The following SORCS1 variants were observed in gnomAD, a reference collection of about 807,000 sequenced individuals.
The protein encoded by SORCS1 is sortilin related VPS10 domain containing receptor 1.
SORCS1 carries 60 observed loss-of-function variants against 146.1 expected under a neutral mutation model. The observed-to-expected ratio is 0.41, with a 90% confidence interval of 0.33 to 0.51. The LOEUF (loss-of-function observed/expected upper bound fraction) is 0.51. SORCS1 is among the 20% of genes least tolerant of loss of function. The probability of loss-of-function intolerance (pLI) is 0.21; values close to 1 mark genes in which losing one functional copy is unlikely to be tolerated. For synonymous variants in SORCS1, 637 were observed against 584.0 expected (o/e 1.09, Z -1.31); for missense variants, 1,352 against 1,487.6 (o/e 0.91, Z 1.50).
chr10:107,104,848 G>T (rs1027477765), intron 1 of SORCS1, among the ~76,000 whole-genome samples: 2 of 152,168 alleles, frequency 1.3e-5, no homozygotes, highest in Admixed American at 1.3e-4. Flanking sequence ...GCAGTTTGTT[G>T]CCAGAGGTAA....
chr10:106,958,282 A>C (rs1955060223), intron 1 of SORCS1, among the ~76,000 whole-genome samples: 1 of 152,210 alleles, frequency 6.6e-6, no homozygotes, highest in Non-Finnish European at 1.5e-5. Context: ...CATTTGGCCC[A>C]GCCCAGCTGT....
intron 1 of SORCS1, among the ~76,000 whole-genome samples, chr10:107,012,286 G>A (rs1353391107): frequency 6.6e-6 from 1 of 152,152 alleles, no homozygotes; most frequent in Non-Finnish European, 1.5e-5. Flanking sequence ...TTTGAGATAT[G>A]TCAGCAGAGG....
At chr10:106,583,729 C>T (rs1845056978) in intron 24 of SORCS1, among the ~76,000 whole-genome samples, 3 of 151,798 alleles carry the variant, frequency 2.0e-5, no homozygotes, top group Admixed American at 1.3e-4. Flanking sequence ...AGGCTGGTCT[C>T]GAACGCTAAC....
At chr10:107,125,945 C>T (rs1966689885) in intron 1 of SORCS1, among the ~76,000 whole-genome samples, 1 of 152,164 alleles carries the variant, frequency 6.6e-6, no homozygotes, top group Non-Finnish European at 1.5e-5. Flanking sequence ...AATGTCCTTC[C>T]TTCCTTTTGT....
intron 10 of SORCS1, 90 bp downstream of exon 10, chr10:106,688,102 A>C: frequency 1.3e-6 from 2 of 1,515,080 alleles, no homozygotes; most frequent in Non-Finnish European, 1.8e-6. Context: ...TCAACTGAGC[A>C]AAAGTCCCAG....
chr10:106,629,460 C>G, intron 18 of SORCS1, 72 bp from the exon 19 acceptor site: 3 of 1,497,264 alleles, frequency 2.0e-6, no homozygotes, highest in Non-Finnish European at 1.8e-6. Context: ...CTGGGGACTA[C>G]GGCTTGTCCT....
chr10:106,910,563 G>A (rs1172188691), intron 2 of SORCS1, among the ~76,000 whole-genome samples: 1 of 152,110 alleles, frequency 6.6e-6, no homozygotes, highest in Non-Finnish European at 1.5e-5. Flanking sequence ...CATTACCAAT[G>A]ATATAAGTTA....
chr10:106,683,390 G>A (rs753393971), intron 10 of SORCS1, among the ~76,000 whole-genome samples: 2 of 152,084 alleles, frequency 1.3e-5, no homozygotes, highest in African/African-American at 4.8e-5. Flanking sequence ...GCTTCCATGA[G>A]TTTGATTGTT....
At chr10:106,710,860 C>T (rs912570544) in intron 6 of SORCS1, among the ~76,000 whole-genome samples, 1 of 152,184 alleles carries the variant, frequency 6.6e-6, no homozygotes, top group Non-Finnish European at 1.5e-5. Flanking sequence ...ACTTTAAAGA[C>T]TCTTCATTTG....
chr10:107,170,917 A>G, the SORCS1 span, among the ~76,000 whole-genome samples: 1 of 152,150 alleles, frequency 6.6e-6, no homozygotes, highest in Non-Finnish European at 1.5e-5. Context: ...CTAAACTTGA[A>G]AGTCAAAATC....
chr10:106,969,939 G>A lies in SORCS1; in HGVS notation c.559-13359C>T, dbSNP rs1358867275. The A allele has an allele frequency of 1.2e-4, 19 of 152,326 alleles. No individual in the cohort carries two copies. The East Asian group carries it at 3.7e-3, about 29-fold the overall frequency. 9.4% of individuals were successfully genotyped at this position (152,326 alleles called of 1,614,324 possible). ...TTCAATGAAACTATCCATTTTAGCA[G>A]TCCTAGGCTATGAATCAGGAGATAT... On this transcript the variant is annotated intron_variant, in intron 1 of 25. Transcript: ENST00000263054.
intron 2 of SORCS1, among the ~76,000 whole-genome samples, chr10:106,850,864 G>A (rs546630496): frequency 2.5e-4 from 38 of 151,860 alleles, no homozygotes; most frequent in African/African-American, 8.2e-4. Context: ...CCACACACAC[G>A]CCCTACGGCC....
At chr10:106,900,274 C>G (rs1469121598) in intron 2 of SORCS1, among the ~76,000 whole-genome samples, 1 of 152,040 alleles carries the variant, frequency 6.6e-6, no homozygotes, top group Non-Finnish European at 1.5e-5. Flanking sequence ...CCATTATATC[C>G]CCGGTACCTT....
intron 1 of SORCS1, among the ~76,000 whole-genome samples, chr10:107,024,965 G>A (rs146103754): frequency 3.3e-5 from 5 of 152,194 alleles, no homozygotes; most frequent in Admixed American, 1.3e-4. Flanking sequence ...GATTTAACTA[G>A]CTGGCTTGGG....
At chr10:106,713,648 G>C (rs891602259) in intron 6 of SORCS1, among the ~76,000 whole-genome samples, 1 of 152,196 alleles carries the variant, frequency 6.6e-6, no homozygotes, top group Non-Finnish European at 1.5e-5. Flanking sequence ...ACACTGCAGA[G>C]TATACCAACT....
At chr10:107,073,722 C>T (rs1276967649) in intron 1 of SORCS1, among the ~76,000 whole-genome samples, 2 of 152,138 alleles carry the variant, frequency 1.3e-5, no homozygotes, top group Non-Finnish European at 2.9e-5. Context: ...CTCTGACCCC[C>T]AATCCTCTGT....
intron 2 of SORCS1, among the ~76,000 whole-genome samples, chr10:106,878,805 T>C (rs1950703339): frequency 6.6e-6 from 1 of 151,076 alleles, no homozygotes; most frequent in African/African-American, 2.4e-5. Flanking sequence ...CATATACTAA[T>C]GTTTACAGAA....
At chr10:106,883,679 G>A (rs1388640037) in intron 2 of SORCS1, among the ~76,000 whole-genome samples, 1 of 152,128 alleles carries the variant, frequency 6.6e-6, no homozygotes, top group Non-Finnish European at 1.5e-5. Flanking sequence ...TCCCAGAGTG[G>A]TAGGATTACA....
At chr10:106,760,261 G>A (rs1291224031) in intron 5 of SORCS1, among the ~76,000 whole-genome samples, 3 of 151,760 alleles carry the variant, frequency 2.0e-5, no homozygotes, top group Admixed American at 6.6e-5. Flanking sequence ...TGGCTAACAC[G>A]GTGAAACTCC....
Sources: allele counts gnomAD v4.1 joint callset (sites outside exome capture counted in the v4.1 genomes callset), GRCh38; gene constraint gnomAD v4.1.1; transcripts MANE v1.5; gene names NCBI Gene and HGNC (gene_info 2026-07-23, HGNC 2026-07-21).